The following ULK4 variants were observed in gnomAD, a reference collection of about 807,000 sequenced individuals.
ULK4 encodes the protein inactive serine/threonine-protein kinase ULK4.
A neutral mutation model predicts 160.6 loss-of-function variants in ULK4; 133 were observed. That is an observed-to-expected ratio of 0.83 (90% CI 0.72 to 0.96). The LOEUF is 0.96. ULK4 is among the 40% of genes least tolerant of loss of function. ULK4 has a pLI of 0.00. For missense variants in ULK4, 1,580 were observed against 1,499.5 expected, an observed-to-expected ratio of 1.05 and a Z score of -0.89; for synonymous variants, 534 against 539.8, an observed-to-expected ratio of 0.99 and a Z score of 0.15.
chr3:41,357,687 G>A (rs976595917), intron 35 of ULK4, among the ~76,000 whole-genome samples: 1 of 152,162 alleles, frequency 6.6e-6, no homozygotes, highest in Non-Finnish European at 1.5e-5. Flanking sequence ...TCATGAAATG[G>A]TAACAGCTCA....
chr3:41,769,263 C>A (rs1308697710), intron 21 of ULK4, among the ~76,000 whole-genome samples: 1 of 152,182 alleles, frequency 6.6e-6, no homozygotes, highest in Non-Finnish European at 1.5e-5. Context: ...TGACTCCCTA[C>A]AACTAGTTGC....
At chr3:41,830,713 T>C (rs955293793) in intron 18 of ULK4, among the ~76,000 whole-genome samples, 1 of 152,118 alleles carries the variant, frequency 6.6e-6, no homozygotes, top group Non-Finnish European at 1.5e-5. Context: ...TGAAAGCAAC[T>C]GGTTTTATTT....
intron 16 of ULK4, among the ~76,000 whole-genome samples, chr3:41,887,664 T>C (rs1697770566): frequency 6.6e-6 from 1 of 151,290 alleles, no homozygotes; most frequent in Non-Finnish European, 1.5e-5. Context: ...TACTAAAATA[T>C]ACAAAAATTA....
chr3:41,696,522 A>G (rs1048722483), intron 27 of ULK4, among the ~76,000 whole-genome samples: 3 of 151,666 alleles, frequency 2.0e-5, no homozygotes, highest in Non-Finnish European at 4.4e-5. Flanking sequence ...GCACAGCCAG[A>G]CATTCGGGGC....
chr3:41,919,429 C>T (rs1350845128), intron 6 of ULK4, among the ~76,000 whole-genome samples: 2 of 151,996 alleles, frequency 1.3e-5, no homozygotes, highest in Admixed American at 6.6e-5. Flanking sequence ...TGGTGAGACC[C>T]GCTCTCTACT....
intron 5 of ULK4, among the ~76,000 whole-genome samples, chr3:41,929,900 T>G (rs1420974824): frequency 6.6e-6 from 1 of 152,072 alleles, no homozygotes; most frequent in Non-Finnish European, 1.5e-5. Context: ...ATCATGAAAA[T>G]GGCCATATTG....
At chr3:41,631,544 G>A (rs1460178171) in intron 30 of ULK4, among the ~76,000 whole-genome samples, 2 of 152,190 alleles carry the variant, frequency 1.3e-5, no homozygotes, top group South Asian at 2.1e-4. Flanking sequence ...AGACAATTTC[G>A]GTTAGGTTAA....
intron 22 of ULK4, among the ~76,000 whole-genome samples, chr3:41,736,061 T>G (rs1244872886): frequency 6.6e-6 from 1 of 151,788 alleles, no homozygotes; most frequent in African/African-American, 2.4e-5. Context: ...ATGGTGTATA[T>G]GTGCCACATT....
intron 17 of ULK4, among the ~76,000 whole-genome samples, chr3:41,861,523 A>G (rs1020801432): frequency 3.3e-5 from 5 of 152,042 alleles, no homozygotes; most frequent in Non-Finnish European, 7.4e-5. Flanking sequence ...GATGTACTGG[A>G]GCTCCATTTT....
At chr3:41,529,190 A>G (rs1375218799) in intron 32 of ULK4, among the ~76,000 whole-genome samples, 1 of 152,320 alleles carries the variant, frequency 6.6e-6, no homozygotes, top group African/African-American at 2.4e-5. Context: ...TTGTGTAATT[A>G]AAGTTCAATT....
intron 35 of ULK4, among the ~76,000 whole-genome samples, chr3:41,310,092 CT>C (rs1308622503): frequency 6.6e-6 from 1 of 151,948 alleles, no homozygotes; most frequent in Non-Finnish European, 1.5e-5. Flanking sequence ...GCTCCTCAAC[CT>C]TTTTTCCAGT....
intron 34 of ULK4, among the ~76,000 whole-genome samples, chr3:41,411,772 TCAGA>T (rs2082413883): frequency 6.6e-6 from 1 of 152,012 alleles, no homozygotes; most frequent in East Asian, 1.9e-4. Flanking sequence ...CAATTGCCAA[TCAGA>T]AAAATTTTAA....
intron 27 of ULK4, among the ~76,000 whole-genome samples, chr3:41,699,418 A>T (rs2036599048): frequency 6.6e-6 from 1 of 152,230 alleles, no homozygotes; most frequent in Non-Finnish European, 1.5e-5. Flanking sequence ...TCATCAAATT[A>T]TGTATACTGC....
intron 34 of ULK4, among the ~76,000 whole-genome samples, chr3:41,406,278 A>G (rs2082293124): frequency 6.6e-6 from 1 of 152,164 alleles, no homozygotes; most frequent in South Asian, 2.1e-4. Flanking sequence ...AGGTGGCTGT[A>G]GGTGTGCAGC....
chr3:41,739,542 G>A (rs1183106005), intron 22 of ULK4, among the ~76,000 whole-genome samples: 2 of 151,968 alleles, frequency 1.3e-5, no homozygotes, highest in Non-Finnish European at 2.9e-5. Flanking sequence ...GGGCACTGGG[G>A]CTTACAGCTT....
At chr3:41,347,159 A>G (rs73831330) in intron 35 of ULK4, among the ~76,000 whole-genome samples, 6,849 of 152,278 alleles carry the variant, frequency 0.045, 396 homozygotes, top group East Asian at 0.19. Context: ...CCGTCGCTGC[A>G]GCTCTAGCTG....
At chr3:41,460,117 G>A (rs919869488) in intron 33 of ULK4, among the ~76,000 whole-genome samples, 2 of 152,128 alleles carry the variant, frequency 1.3e-5, no homozygotes, top group African/African-American at 2.4e-5. Flanking sequence ...CCCCAACTAC[G>A]CATAGCCTTT....
At chr3:41,765,341 A>G (rs1046356615) in intron 21 of ULK4, among the ~76,000 whole-genome samples, 2 of 151,642 alleles carry the variant, frequency 1.3e-5, no homozygotes, top group African/African-American at 4.8e-5. Context: ...TCTCACTCAT[A>G]GGTGGGAACT....
At chr3:41,364,883 G>A (rs2081224275) in intron 35 of ULK4, among the ~76,000 whole-genome samples, 1 of 152,108 alleles carries the variant, frequency 6.6e-6, no homozygotes, top group Admixed American at 6.5e-5. Context: ...CTTCTCCAGA[G>A]CAGCATTTCT....
Sources: allele counts gnomAD v4.1 joint callset (sites outside exome capture counted in the v4.1 genomes callset), GRCh38; gene constraint gnomAD v4.1.1; transcripts MANE v1.5; gene names NCBI Gene and HGNC (gene_info 2026-07-23, HGNC 2026-07-21).